ALDH1A2: variants seen among roughly 807,000 people sequenced by gnomAD.
ALDH1A2 encodes aldehyde dehydrogenase 1 family member A2.
Under a neutral mutation model 60.3 loss-of-function variants are expected in ALDH1A2, and 27 were observed. That is an observed-to-expected ratio of 0.45 (90% confidence interval 0.33 to 0.62). ALDH1A2 has a LOEUF of 0.62. Among genes scored for constraint, ALDH1A2 ranks in the 20% least tolerant of loss-of-function variants. ALDH1A2 has a pLI of 0.02. For missense variants in ALDH1A2, 581 were observed against 643.8 expected, an observed-to-expected ratio of 0.90 and a Z score of 1.06; for synonymous variants, 289 against 232.4, an observed-to-expected ratio of 1.24 and a Z score of -2.21.
chr15:58,049,225 G>C (rs1231054772), intron 1 of ALDH1A2, among the ~76,000 whole-genome samples: 2 of 151,976 alleles, frequency 1.3e-5, no homozygotes, highest in African/African-American at 2.4e-5. Flanking sequence ...ATTTGATGAA[G>C]GTGTCCTAAG....
chr15:57,956,545 A>G (rs1171781484), intron 12 of ALDH1A2, among the ~76,000 whole-genome samples: 1 of 152,194 alleles, frequency 6.6e-6, no homozygotes, highest in Admixed American at 6.5e-5. Context: ...AGGGCGGCCA[A>G]GGAGAGACTG....
intron 3 of ALDH1A2, 59 bp downstream of exon 3, chr15:58,013,799 A>G: frequency 6.2e-7 from 1 of 1,602,360 alleles, no homozygotes; most frequent in Non-Finnish European, 8.5e-7. Context: ...CGAAGAATGT[A>G]AATTTCAGCA....
intron 1 of ALDH1A2, among the ~76,000 whole-genome samples, chr15:58,060,118 C>A (rs1896986757): frequency 2.0e-5 from 3 of 152,070 alleles, no homozygotes; most frequent in Admixed American, 6.6e-5. Context: ...TGGGGTTTCA[C>A]CATGATTGGC....
chr15:58,036,131 A>G (rs368300497), intron 1 of ALDH1A2, among the ~76,000 whole-genome samples: 196 of 151,836 alleles, frequency 1.3e-3, no homozygotes, highest in African/African-American at 4.6e-3. Flanking sequence ...AAAAGAAGTA[A>G]TAGTATATTT....
Position 58,029,145 on chromosome 15 carries a change from G to A in ALDH1A2, c.118-14864C>T, listed in dbSNP as rs191055081. 7.9e-5 allele frequency among the ~76,000 whole-genome samples: 12 copies of A among 152,180 alleles called. No individual in the cohort carries two copies. In the East Asian group the frequency reaches 2.3e-3, roughly 29 times the overall value. ...TCTAAAACTGACCACATAATTTGAAGTAAAACACTCCTCAGCAAATGTAAA... is the reference window on the plus strand; with the variant it reads ...TCTAAAACTGACCACATAATTTGAAATAAAACACTCCTCAGCAAATGTAAA... On this transcript the variant is annotated intron_variant, in intron 1 of 12. Transcript: ENST00000249750.
chr15:58,010,154 GAAATATAGA>G (rs1895583893), intron 4 of ALDH1A2, among the ~76,000 whole-genome samples: 1 of 152,108 alleles, frequency 6.6e-6, no homozygotes, highest in Non-Finnish European at 1.5e-5. Context: ...GGCCGTTCGA[GAAATATAGA>G]AAGTAGAGAA....
intron 4 of ALDH1A2, among the ~76,000 whole-genome samples, chr15:58,001,892 T>G (rs1162385485): frequency 2.0e-5 from 3 of 151,820 alleles, no homozygotes; most frequent in African/African-American, 4.8e-5. Flanking sequence ...GATACCACAT[T>G]GTAGGTCAAT....
At chr15:58,058,152 G>C (rs1292430258) in intron 1 of ALDH1A2, 1 of 1,324,112 alleles carries the variant, frequency 7.6e-7, no homozygotes, top group African/African-American at 1.5e-5. Flanking sequence ...AATTCATACA[G>C]GCATTTCATA....
chr15:58,063,745 C>T (rs1281362958), intron 1 of ALDH1A2, among the ~76,000 whole-genome samples: 1 of 152,144 alleles, frequency 6.6e-6, no homozygotes, highest in African/African-American at 2.4e-5. Context: ...AAATAAGGTA[C>T]CTCCTCCCCA....
chr15:57,996,488 AT>A (rs1252520163), intron 4 of ALDH1A2, among the ~76,000 whole-genome samples: 1 of 143,654 alleles, frequency 7.0e-6, no homozygotes, highest in Non-Finnish European at 1.5e-5. Context: ...AGTCTTTTAT[AT>A]TTTGTTTTTC....
intron 1 of ALDH1A2, among the ~76,000 whole-genome samples, chr15:58,062,472 G>C (rs1239115321): frequency 6.6e-6 from 1 of 152,200 alleles, no homozygotes. Context: ...CCTTGACTTT[G>C]TAATGTGTGT....
At chr15:57,982,734 G>A (rs759871001) in intron 7 of ALDH1A2, among the ~76,000 whole-genome samples, 4 of 152,188 alleles carry the variant, frequency 2.6e-5, no homozygotes, top group African/African-American at 9.7e-5. Context: ...ATGTGGTTAA[G>A]AATAATATAA....
intron 7 of ALDH1A2, among the ~76,000 whole-genome samples, chr15:57,969,305 T>G (rs191918703): frequency 6.6e-6 from 1 of 152,338 alleles, no homozygotes; most frequent in Admixed American, 6.5e-5. Flanking sequence ...AAATGTGGCT[T>G]TGCAGTCCAC....
rs1031777185 is a variant in ALDH1A2 at position 57,954,978 on chromosome 15, A to G, written c.*219T>C. 3.3e-6 allele frequency: 2 copies of G among 606,408 alleles called. No individual in the cohort carries two copies. Among genetic ancestry groups the G allele is most frequent in the African/African-American group, 3.7e-5 (2 of 54,038 alleles). 37.6% of individuals were successfully genotyped at this position (606,408 alleles called of 1,614,324 possible). On this transcript the variant is annotated 3_prime_UTR_variant, in exon 13 of 13. Transcript: ENST00000249750. Reference sequence around the variant, plus strand: ...TCCTCCCTTTATCCCACTTTCCCCAATATTTGGTATGATTAAGGTGGCCCC... The same window carrying G: ...TCCTCCCTTTATCCCACTTTCCCCAGTATTTGGTATGATTAAGGTGGCCCC...
At chr15:58,048,503 G>A (rs1896690945) in intron 1 of ALDH1A2, among the ~76,000 whole-genome samples, 1 of 152,082 alleles carries the variant, frequency 6.6e-6, no homozygotes. Flanking sequence ...GCCTTTGATG[G>A]ACAAGGCCGG....
At position 57,955,248 on chromosome 15, in the gene ALDH1A2, C is replaced by T; in HGVS notation, c.1506G>A (p.Glu502=). 1.9e-6 allele frequency: 3 copies of T among 1,614,074 alleles called. No homozygotes were observed. Among genetic ancestry groups the T allele is most frequent in the South Asian group, 1.1e-5 (1 of 91,078 alleles). Residue 502 remains glutamate, a synonymous_variant, in exon 13 of 13, where the codon GAG becomes GAA. Coordinates refer to ENST00000249750, the MANE Select transcript of ALDH1A2 (RefSeq NM_003888.4). ...GREMGEFGLR[E]YSEVKTVTVK... ...CTGTCACCGTCTTAACTTCTGAGTA[C>T]TCCCGCAAGCCAAATTCTCCCCTGA...
chr15:57,980,581 G>T, intron 7 of ALDH1A2: 1 of 273,950 alleles, frequency 3.7e-6, no homozygotes, highest in Non-Finnish European at 7.7e-6. Flanking sequence ...ATTTGGGCAG[G>T]AGCCAGTTCT....
chr15:58,058,785 G>A (rs1896956340), intron 1 of ALDH1A2, among the ~76,000 whole-genome samples: 1 of 152,134 alleles, frequency 6.6e-6, no homozygotes, highest in South Asian at 2.1e-4. Flanking sequence ...ACTACTTCTG[G>A]AGGTAACAGA....
intron 1 of ALDH1A2, among the ~76,000 whole-genome samples, chr15:58,040,736 A>G (rs987289962): frequency 4.6e-5 from 7 of 151,984 alleles, no homozygotes; most frequent in African/African-American, 1.7e-4. Flanking sequence ...AACTTACTAT[A>G]AAGTCAGAAT....
Sources: gnomAD v4.1 joint callset for allele counts (sites outside exome capture counted in the v4.1 genomes callset) on GRCh38, gnomAD v4.1.1 for gene constraint, MANE v1.5 for transcripts, NCBI Gene and HGNC (gene_info 2026-07-23, HGNC 2026-07-21) for gene names.